Variants in FGD4 observed in about 807,000 individuals in gnomAD.
The protein encoded by FGD4 is FYVE, RhoGEF and PH domain-containing protein 4.
FGD4 carries 42 observed loss-of-function variants against 102.0 expected under a neutral mutation model. The ratio of observed to expected loss-of-function variants is 0.41; its 90% CI spans 0.32 to 0.53. FGD4 has a LOEUF of 0.53. Ranked by LOEUF, FGD4 falls within the 20% of genes least tolerant of loss-of-function variation. FGD4 has a pLI of 0.21. For missense variants in FGD4, 902 were observed against 1,078.2 expected (o/e 0.84, Z 2.29); for synonymous variants, 380 against 375.7 (o/e 1.01, Z -0.13).
intron 15 of FGD4, among the ~76,000 whole-genome samples, chr12:32,636,018 T>TAAG (rs1466608074): frequency 7.9e-6 from 1 of 126,286 alleles, no homozygotes; most frequent in African/African-American, 4.4e-5. Flanking sequence ...TCTCTAATAA[T>TAAG]AATAATAATA....
chr12:32,466,435 GC>G (rs1943253343), intron 1 of FGD4, among the ~76,000 whole-genome samples: 1 of 152,068 alleles, frequency 6.6e-6, no homozygotes, highest in Non-Finnish European at 1.5e-5. Flanking sequence ...ATTTGCTCTT[GC>G]TTGGGAGGCT....
intron 1 of FGD4, among the ~76,000 whole-genome samples, chr12:32,415,414 CTTTTTTTTTT>C (rs34612851): frequency 1.1e-4 from 10 of 89,610 alleles, no homozygotes; most frequent in East Asian, 3.8e-4. Context: ...ATCTGTCTCT[CTTTTTTTTTT>C]TTTTTTTTTT....
At chr12:32,584,769 A>G (rs978201386) in intron 4 of FGD4, among the ~76,000 whole-genome samples, 3 of 152,216 alleles carry the variant, frequency 2.0e-5, no homozygotes, top group Admixed American at 6.5e-5. Context: ...TTTAATTTCA[A>G]TATGCAGACA....
chr12:32,637,390 A>T (rs943710270), intron 15 of FGD4, among the ~76,000 whole-genome samples: 1 of 151,406 alleles, frequency 6.6e-6, no homozygotes, highest in Non-Finnish European at 1.5e-5. Context: ...AGGTCAGGAG[A>T]TCGAGACCAT....
At chr12:32,461,160 C>T (rs919657308) in intron 1 of FGD4, among the ~76,000 whole-genome samples, 7 of 152,034 alleles carry the variant, frequency 4.6e-5, no homozygotes, top group East Asian at 1.9e-4. Flanking sequence ...ACAGAATATT[C>T]GGTTATGACA....
intron 4 of FGD4, among the ~76,000 whole-genome samples, chr12:32,588,318 A>C (rs1346735148): frequency 6.6e-6 from 1 of 152,258 alleles, no homozygotes; most frequent in African/African-American, 2.4e-5. Context: ...GTAAATACAA[A>C]GAAGAAACTT....
chr12:32,419,660 T>C (rs973067584), intron 1 of FGD4, among the ~76,000 whole-genome samples: 12 of 152,234 alleles, frequency 7.9e-5, no homozygotes, highest in African/African-American at 2.9e-4. Flanking sequence ...GCAGTCCTTG[T>C]GGCCTAACCT....
chr12:32,627,447 C>T (rs184397860), intron 14 of FGD4, among the ~76,000 whole-genome samples: 5 of 152,338 alleles, frequency 3.3e-5, no homozygotes, highest in Admixed American at 3.3e-4. Flanking sequence ...AGCCACTGCA[C>T]CTGGCCCCAT....
chr12:32,547,221 A>G (rs1410137043), intron 1 of FGD4, among the ~76,000 whole-genome samples: 1 of 152,028 alleles, frequency 6.6e-6, no homozygotes, highest in East Asian at 1.9e-4. Flanking sequence ...GAGGATCACT[A>G]GAGTTCAGGA....
intron 11 of FGD4, among the ~76,000 whole-genome samples, chr12:32,623,143 G>A (rs1399785452): frequency 6.6e-6 from 1 of 151,958 alleles, no homozygotes; most frequent in Non-Finnish European, 1.5e-5. Flanking sequence ...TTTATATACA[G>A]AATACTATTA....
intron 1 of FGD4, among the ~76,000 whole-genome samples, chr12:32,502,656 C>A (rs1418905838): frequency 2.6e-5 from 4 of 152,092 alleles, no homozygotes; most frequent in African/African-American, 9.7e-5. Flanking sequence ...CTGAAATACG[C>A]CCATGGCCCC....
intron 1 of FGD4, among the ~76,000 whole-genome samples, chr12:32,478,532 C>T (rs1943642372): frequency 6.6e-6 from 1 of 152,184 alleles, no homozygotes; most frequent in African/African-American, 2.4e-5. Flanking sequence ...TCGCAAAGTG[C>T]TGGGCTTACA....
intron 1 of FGD4, among the ~76,000 whole-genome samples, chr12:32,467,434 G>A (rs544275769): frequency 1.8e-4 from 27 of 152,190 alleles, no homozygotes; most frequent in Admixed American, 7.2e-4. Flanking sequence ...AATTCCTTGT[G>A]GTGGTATATA....
intron 16 of FGD4, among the ~76,000 whole-genome samples, chr12:32,639,601 G>A (rs79162242): frequency 0.019 from 2,844 of 152,264 alleles, 79 homozygotes; most frequent in African/African-American, 0.065. Flanking sequence ...CACGTATATG[G>A]ATCTGAGATA....
At chr12:32,455,077 A>G (rs1374839781) in intron 1 of FGD4, among the ~76,000 whole-genome samples, 1 of 152,186 alleles carries the variant, frequency 6.6e-6, no homozygotes, top group Non-Finnish European at 1.5e-5. Flanking sequence ...ATACAAACAC[A>G]ATGAAGCAGC....
intron 1 of FGD4, among the ~76,000 whole-genome samples, chr12:32,410,424 G>T (rs946789793): frequency 1.3e-5 from 2 of 152,054 alleles, no homozygotes; most frequent in African/African-American, 4.8e-5. Flanking sequence ...GGCTGAGGCT[G>T]CAGTGACCTG....
At chr12:32,497,460 T>G (rs1189939355) in intron 1 of FGD4, among the ~76,000 whole-genome samples, 1 of 152,192 alleles carries the variant, frequency 6.6e-6, no homozygotes, top group African/African-American at 2.4e-5. Context: ...TCTAAGGAGA[T>G]ACCACCTCTT....
At chr12:32,437,844 A>AT (rs1004663512) in intron 1 of FGD4, among the ~76,000 whole-genome samples, 2 of 152,106 alleles carry the variant, frequency 1.3e-5, no homozygotes, top group Non-Finnish European at 2.9e-5. Flanking sequence ...TGGGAAAATT[A>AT]TTTTTTTACA....
intron 1 of FGD4, among the ~76,000 whole-genome samples, chr12:32,491,583 A>G (rs1027804451): frequency 2.6e-5 from 4 of 152,212 alleles, no homozygotes; most frequent in African/African-American, 9.7e-5. Context: ...CAGAAAATGT[A>G]TATTCCTGCT....
Sources: gnomAD v4.1 joint callset for allele counts (sites outside exome capture counted in the v4.1 genomes callset) on GRCh38, gnomAD v4.1.1 for gene constraint, MANE v1.5 for transcripts, NCBI Gene and HGNC (gene_info 2026-07-23, HGNC 2026-07-21) for gene names.